DLGAP1: variants seen among roughly 807,000 people sequenced by gnomAD.
DLGAP1 encodes the protein disks large-associated protein 1.
A neutral mutation model predicts 90.8 loss-of-function variants in DLGAP1; 11 were observed. The ratio of observed to expected loss-of-function variants is 0.12; its 90% CI spans 0.08 to 0.20. DLGAP1 has a LOEUF of 0.20. Ranked by LOEUF, DLGAP1 falls within the 10% of genes least tolerant of loss-of-function variation. The pLI, the probability that DLGAP1 is intolerant of heterozygous loss-of-function variation, is 1.00. For missense variants in DLGAP1, 1,050 were observed against 1,333.8 expected (o/e 0.79, Z 3.31); for synonymous variants, 558 against 540.7 (o/e 1.03, Z -0.44).
chr18:3,772,380 CTTTCTTTCTTTCTT>C (rs2064697951), intron 5 of DLGAP1, among the ~76,000 whole-genome samples: 6 of 29,188 alleles, frequency 2.1e-4, no homozygotes, highest in South Asian at 1.7e-3. Context: ...TTCTTTCTTT[CTTTCTTTCTTTCTT>C]TCTTTCTTTC....
At chr18:3,839,868 G>C (rs1186882178) in intron 4 of DLGAP1, among the ~76,000 whole-genome samples, 2 of 152,204 alleles carry the variant, frequency 1.3e-5, no homozygotes, top group Admixed American at 1.3e-4. Context: ...ATTCTGAGCT[G>C]ATCACTCTCT....
chr18:3,962,110 TA>T (rs1018813189), intron 3 of DLGAP1, among the ~76,000 whole-genome samples: 2 of 152,186 alleles, frequency 1.3e-5, no homozygotes, highest in African/African-American at 2.4e-5. Flanking sequence ...TGCTTGAGAT[TA>T]AAAAAATATA....
intron 7 of DLGAP1, among the ~76,000 whole-genome samples, chr18:3,679,443 T>C (rs1376867141): frequency 2.0e-5 from 3 of 151,744 alleles, no homozygotes; most frequent in African/African-American, 7.3e-5. Flanking sequence ...ACACTGAACA[T>C]GTGTAGCCGC....
At chr18:4,095,451 C>G (rs1400803235) in intron 2 of DLGAP1, among the ~76,000 whole-genome samples, 1 of 151,942 alleles carries the variant, frequency 6.6e-6, no homozygotes, top group Non-Finnish European at 1.5e-5. Flanking sequence ...GATCTGGAAA[C>G]AGGACAAATT....
chr18:3,736,868 C>T (rs950767913), intron 6 of DLGAP1, among the ~76,000 whole-genome samples: 8 of 150,186 alleles, frequency 5.3e-5, no homozygotes, highest in East Asian at 2.0e-4. Flanking sequence ...ATAGATAGAC[C>T]GCTAGCAAGA....
intron 7 of DLGAP1, among the ~76,000 whole-genome samples, chr18:3,599,992 T>G (rs1482586071): frequency 1.3e-5 from 2 of 151,640 alleles, no homozygotes; most frequent in African/African-American, 2.4e-5. Context: ...TGATCATGGC[T>G]CACTACATCC....
intron 3 of DLGAP1, among the ~76,000 whole-genome samples, chr18:3,905,192 C>T (rs1431992122): frequency 1.3e-5 from 2 of 150,122 alleles, no homozygotes; most frequent in African/African-American, 2.4e-5. Context: ...ACAGTGAAAC[C>T]CCATCTCTAC....
intron 2 of DLGAP1, among the ~76,000 whole-genome samples, chr18:4,005,757 C>T (rs891857316): frequency 6.6e-6 from 1 of 152,238 alleles, no homozygotes; most frequent in Non-Finnish European, 1.5e-5. Flanking sequence ...GCTCCATAGT[C>T]TCAGGGAGCC....
chr18:3,604,909 C>T (rs1378510149), intron 7 of DLGAP1, among the ~76,000 whole-genome samples: 2 of 152,160 alleles, frequency 1.3e-5, no homozygotes, highest in Non-Finnish European at 1.5e-5. Context: ...TTTGTGTGTG[C>T]GTGTCCCCGG....
intron 1 of DLGAP1, among the ~76,000 whole-genome samples, chr18:4,384,020 T>C (rs526976): frequency 0.93 from 141,053 of 152,234 alleles, 66,326 homozygotes; most frequent in East Asian, 1. Context: ...AAATGGTAAA[T>C]TGAGCCATGC....
rs554121169 is a variant in DLGAP1, at chr18:3,976,782, T to C, written c.-73+28334A>G. 3.4e-3 allele frequency among the ~76,000 whole-genome samples: 519 copies of C among 152,330 alleles called. 5 individuals carry two copies. The highest frequency in any genetic ancestry group is 0.012 in the African/African-American group (484 of 41,586). On this transcript the variant is annotated intron_variant, in intron 3 of 12. Coordinates refer to ENST00000315677, the MANE Select transcript of DLGAP1 (RefSeq NM_004746.4). ...GCATTTAATATACAAGACAAATTGATTTTCAAAAACTCTGTATTAAATTAT... is the reference window on the plus strand; with the variant it reads ...GCATTTAATATACAAGACAAATTGACTTTCAAAAACTCTGTATTAAATTAT...
At chr18:4,165,155 T>C (rs1411921250) in intron 1 of DLGAP1, among the ~76,000 whole-genome samples, 1 of 151,956 alleles carries the variant, frequency 6.6e-6, no homozygotes, top group Non-Finnish European at 1.5e-5. Flanking sequence ...CCAAACAAGA[T>C]AAACCCCAAA....
chr18:3,785,647 A>G (rs929086869), intron 5 of DLGAP1, among the ~76,000 whole-genome samples: 8 of 152,216 alleles, frequency 5.3e-5, no homozygotes, highest in South Asian at 2.1e-4. Flanking sequence ...TGAACCTGGG[A>G]GGTATTGTCT....
At chr18:3,545,723 A>C (rs1031878025) in intron 9 of DLGAP1, among the ~76,000 whole-genome samples, 2 of 152,116 alleles carry the variant, frequency 1.3e-5, no homozygotes, top group African/African-American at 2.4e-5. Flanking sequence ...CTAAACTAAA[A>C]TAAATAAAAA....
At chr18:3,561,254 A>G (rs2054077401) in intron 9 of DLGAP1, among the ~76,000 whole-genome samples, 1 of 101,028 alleles carries the variant, frequency 9.9e-6, no homozygotes. Flanking sequence ...CGTCTCTACT[A>G]AAAAAAAAAA....
intron 7 of DLGAP1, among the ~76,000 whole-genome samples, chr18:3,671,098 C>T (rs544738071): frequency 3.3e-5 from 5 of 152,214 alleles, no homozygotes; most frequent in Non-Finnish European, 7.4e-5. Flanking sequence ...CCCTCCCCTC[C>T]ATCTCTGTGT....
At chr18:3,525,428 T>C (rs2051550557) in intron 10 of DLGAP1, among the ~76,000 whole-genome samples, 1 of 152,086 alleles carries the variant, frequency 6.6e-6, no homozygotes. Flanking sequence ...GACATGGAGT[T>C]TTGCTCTGTC....
chr18:3,953,693 T>G (rs1275794297), intron 3 of DLGAP1, among the ~76,000 whole-genome samples: 4 of 152,228 alleles, frequency 2.6e-5, no homozygotes, highest in African/African-American at 9.6e-5. Flanking sequence ...TCTCTTTGGT[T>G]ATATACCCAG....
At chr18:4,226,788 AAAG>A (rs2078199617) in intron 1 of DLGAP1, among the ~76,000 whole-genome samples, 1 of 151,882 alleles carries the variant, frequency 6.6e-6, no homozygotes, top group Non-Finnish European at 1.5e-5. Flanking sequence ...GGAAGGAAGA[AAAG>A]AAGGAAAAGA....
Sources: gnomAD v4.1 joint callset for allele counts (sites outside exome capture counted in the v4.1 genomes callset) on GRCh38, gnomAD v4.1.1 for gene constraint, MANE v1.5 for transcripts, NCBI Gene and HGNC (gene_info 2026-07-23, HGNC 2026-07-21) for gene names.